EDDM3A: variants seen among roughly 807,000 people sequenced by gnomAD.
EDDM3A encodes the protein epididymal protein 3A, also known as epididymal secretory protein E3-alpha.
For missense variants in EDDM3A, 199 were observed against 177.4 expected (o/e 1.12, Z -0.69); for synonymous variants, 75 against 60.4 (o/e 1.24, Z -1.12).
At position 20,747,764 on chromosome 14, in the gene EDDM3A, G is replaced by A. The variant is rs34552133; in HGVS notation, c.184G>A (p.Gly62Ser). The A allele has an allele frequency of 6.2e-7, 1 of 1,614,024 alleles. No homozygotes were observed. Among genetic ancestry groups the A allele is most frequent in the Non-Finnish European group, 8.5e-7 (1 of 1,180,004 alleles). Reference protein sequence around the residue: ...VLMREKEALKGKSFHMFIYSL... With the variant: ...VLMREKEALKSKSFHMFIYSL... The stretch of plus-strand genomic sequence containing the variant: ...CATGAGAGAAAAAGAGGCTCTGAAA[G>A]GCAAGAGCTTTCATATGTTCATCTA... Residue 62 changes from glycine to serine, a missense_variant, in exon 2 of 2, where the codon GGC becomes AGC. Coordinates refer to ENST00000326842, the MANE Select transcript of EDDM3A (RefSeq NM_006683.5).
At chr14:20,737,414 G>A in the EDDM3A span, among the ~76,000 whole-genome samples, 1 of 151,996 alleles carries the variant, frequency 6.6e-6, no homozygotes, top group Non-Finnish European at 1.5e-5. Flanking sequence ...ACATGCCAAG[G>A]ATTTCTAATA....
chr14:20,740,514 C>T, the EDDM3A span, among the ~76,000 whole-genome samples: 8 of 152,212 alleles, frequency 5.3e-5, no homozygotes, highest in African/African-American at 1.7e-4. Flanking sequence ...GTCCTGTCAC[C>T]TCTTTGGAGG....
Position 20,745,937 on chromosome 14 carries a change from G to C in EDDM3A, c.-82G>C, listed in dbSNP as rs147834908. ...AGGAGGACGCAGACTCTGCTCTTCA[G>C]ATCCACATGCTGATCCCCACTACAA... On this transcript the variant is annotated 5_prime_UTR_variant, in exon 1 of 2. Coordinates refer to ENST00000326842, the MANE Select transcript of EDDM3A (RefSeq NM_006683.5). 3.9e-5 allele frequency: 6 copies of C among 152,250 alleles called. No individual in the cohort carries two copies. Among genetic ancestry groups the C allele is most frequent in the African/African-American group, 1.4e-4 (6 of 41,446 alleles). The allele number at this position is 152,250 out of a possible 1,614,324, so 9.4% of individuals were successfully genotyped here.
chr14:20,740,831 G>GTTTAAAGAAAGTGGA, the EDDM3A span, among the ~76,000 whole-genome samples: 6 of 152,106 alleles, frequency 3.9e-5, no homozygotes, highest in African/African-American at 1.4e-4. Flanking sequence ...ATGACAAGAT[G>GTTTAAAGAAAGTGGA]CAGGAATGGC....
chr14:20,736,178 T>G, the EDDM3A span, among the ~76,000 whole-genome samples: 2 of 151,480 alleles, frequency 1.3e-5, no homozygotes, highest in African/African-American at 4.9e-5. Context: ...GGCCAGATCT[T>G]GGCTCACTGC....
At chr14:20,736,401 C>G in the EDDM3A span, among the ~76,000 whole-genome samples, 3 of 152,118 alleles carry the variant, frequency 2.0e-5, no homozygotes, top group African/African-American at 7.2e-5. Flanking sequence ...TGAGCCACCA[C>G]GCTCCGCCCA....
the EDDM3A span, among the ~76,000 whole-genome samples, chr14:20,739,599 G>A: frequency 1.3e-5 from 2 of 152,150 alleles, no homozygotes; most frequent in Non-Finnish European, 2.9e-5. Context: ...TAGTATTTGT[G>A]TTGCTCTGCA....
chr14:20,744,588 C>A (rs1049360295), upstream of EDDM3A, among the ~76,000 whole-genome samples: 2 of 152,146 alleles, frequency 1.3e-5, no homozygotes, highest in African/African-American at 4.8e-5. Context: ...AACCATTGAA[C>A]ACTTGCACAA....
rs766936023 is a variant in EDDM3A at position 20,747,908 on chromosome 14, TACA to T, written c.333_335del (p.Asn112del). ...AGTACTCGAGTGTCACTGGGAGAAG[TACA>T]ACAATAGGTACACAGAGAGCAGAAG... On this transcript the variant is annotated inframe_deletion, in exon 2 of 2. Coordinates refer to ENST00000326842, the MANE Select transcript of EDDM3A (RefSeq NM_006683.5). 2.2e-5 allele frequency: 36 copies of T among 1,613,994 alleles called. No homozygotes were observed. In the South Asian group the frequency reaches 3.4e-4, roughly 15 times the overall value.
In EDDM3A at chr14:20,747,550, T is replaced by C. The variant is rs1260760870; in HGVS notation, c.-26-5T>C. On this transcript the variant is annotated splice_polypyrimidine_tract_variant and splice_region_variant and intron_variant, in intron 1 of 1. Coordinates refer to ENST00000326842, the MANE Select transcript of EDDM3A (RefSeq NM_006683.5). ...GGTTAATGCTTTTCTTTCTCTTCCC[T>C]GTAGACACGCAGGTGGACGTGGTGA... is the stretch of plus-strand genomic sequence containing the variant. The C allele has an allele frequency of 2.0e-6, 3 of 1,532,866 alleles. No individual in the cohort carries two copies. In the South Asian group the frequency reaches 3.7e-5, roughly 19 times the overall value. The allele number at this position is 1,532,866 out of a possible 1,614,324, so 95.0% of individuals were successfully genotyped here.
At chr14:20,740,596 C>T in the EDDM3A span, among the ~76,000 whole-genome samples, 8 of 152,134 alleles carry the variant, frequency 5.3e-5, no homozygotes, top group African/African-American at 1.9e-4. Context: ...CACATAGGGA[C>T]GTACAGTGGA....
At chr14:20,739,404 T>G in the EDDM3A span, among the ~76,000 whole-genome samples, 1 of 152,206 alleles carries the variant, frequency 6.6e-6, no homozygotes, top group Non-Finnish European at 1.5e-5. Context: ...GCACATTAAT[T>G]TCCTTAGGGA....
upstream of EDDM3A, among the ~76,000 whole-genome samples, chr14:20,743,622 A>G (rs956469573): frequency 1.4e-5 from 2 of 147,664 alleles, no homozygotes; most frequent in African/African-American, 5.4e-5. Flanking sequence ...GATGAACATA[A>G]TTTTCAAGTG....
At chr14:20,738,923 C>T in the EDDM3A span, among the ~76,000 whole-genome samples, 1 of 152,130 alleles carries the variant, frequency 6.6e-6, no homozygotes, top group African/African-American at 2.4e-5. Flanking sequence ...TGAGAAGGGT[C>T]TCTTGTGATT....
At chr14:20,745,502 G>T, upstream of EDDM3A, among the ~76,000 whole-genome samples, 1 of 149,844 alleles carries the variant, frequency 6.7e-6, no homozygotes. Context: ...CTCCAGCCTG[G>T]GCAACAGAGC....
chr14:20,747,155 G>A (rs1172396631), intron 1 of EDDM3A, among the ~76,000 whole-genome samples: 1 of 145,304 alleles, frequency 6.9e-6, no homozygotes, highest in African/African-American at 2.5e-5. Flanking sequence ...CCAGGCCGGA[G>A]TGCAGAGGTG....
rs940529819 is a variant in EDDM3A at position 20,748,348 on chromosome 14, C to T, written c.*324C>T. On this transcript the variant is annotated 3_prime_UTR_variant, in exon 2 of 2. Transcript: ENST00000326842. Reference sequence around the variant, plus strand: ...TACCTACCCAAGCTGAACGACCCTCCTTTTCTTAAATAAAATATATTATTC... The same window carrying T: ...TACCTACCCAAGCTGAACGACCCTCTTTTTCTTAAATAAAATATATTATTC... 2.8e-5 allele frequency: 6 copies of T among 217,722 alleles called. No individual in the cohort carries two copies. Among genetic ancestry groups the T allele is most frequent in the Non-Finnish European group, 4.9e-5 (5 of 101,068 alleles). The allele number at this position is 217,722 out of a possible 1,614,324, so 13.5% of individuals were successfully genotyped here. A position where few individuals can be genotyped will look rare whatever the true frequency, so the allele number is the denominator to read the frequency against.
intron 1 of EDDM3A, among the ~76,000 whole-genome samples, chr14:20,746,980 G>A (rs1877608756): frequency 1.3e-5 from 2 of 152,280 alleles, no homozygotes; most frequent in South Asian, 4.1e-4. Context: ...TCCTCAAATT[G>A]GGTAGAAGAC....
upstream of EDDM3A, among the ~76,000 whole-genome samples, chr14:20,745,715 C>G (rs1397434335): frequency 6.6e-6 from 1 of 152,082 alleles, no homozygotes; most frequent in Non-Finnish European, 1.5e-5. Flanking sequence ...CAGGGCTCAG[C>G]CTTTGATGTT....
Sources: gnomAD v4.1 joint callset for allele counts (sites outside exome capture counted in the v4.1 genomes callset) on GRCh38, gnomAD v4.1.1 for gene constraint, MANE v1.5 for transcripts, NCBI Gene and HGNC (gene_info 2026-07-23, HGNC 2026-07-21) for gene names.